The following SYT2 variants were observed in gnomAD, a reference collection of about 807,000 sequenced individuals.
The protein encoded by SYT2 is synaptotagmin 2.
Under a neutral mutation model 39.9 loss-of-function variants are expected in SYT2, and 15 were observed. The ratio of observed to expected loss-of-function variants is 0.38; its 90% confidence interval spans 0.25 to 0.58. The LOEUF (loss-of-function observed/expected upper bound fraction) is 0.58. Among genes scored for constraint, SYT2 ranks in the 20% least tolerant of loss-of-function variants. The pLI, the probability that SYT2 is intolerant of heterozygous loss-of-function variation, is 0.70. For missense variants in SYT2, 389 were observed against 530.3 expected, an observed-to-expected ratio of 0.73 and a Z score of 2.62; for synonymous variants, 181 against 204.5, an observed-to-expected ratio of 0.89 and a Z score of 0.98.
rs60259163 is a variant in SYT2, at chr1:202,596,308, TAC to T, written c.*447_*448del. ...ACACACACACACACACACACACACATACACACACACACACACACACACACACA... is the reference window on the plus strand; with the variant it reads ...ACACACACACACACACACACACACATACACACACACACACACACACACACA... On this transcript the variant is annotated 3_prime_UTR_variant, in exon 9 of 9. Coordinates refer to ENST00000367268, the MANE Select transcript of SYT2 (RefSeq NM_177402.5). 1,588 of 88,040 alleles carry T rather than the reference TAC, an allele frequency of 0.018. 39 individuals are homozygous for T. Among genetic ancestry groups the T allele is most frequent in the African/African-American group, 0.036 (1,075 of 29,702 alleles). The allele number at this position is 88,040 out of a possible 1,614,324, so 5.5% of individuals were successfully genotyped here. A position where few individuals can be genotyped will look rare whatever the true frequency, so the allele number is the denominator to read the frequency against.
At chr1:202,642,605 G>C (rs1691947387) in intron 1 of SYT2, among the ~76,000 whole-genome samples, 1 of 152,308 alleles carries the variant, frequency 6.6e-6, no homozygotes, top group South Asian at 2.1e-4. Context: ...AAGTTCCCGG[G>C]AGAGGAAGGG....
intron 1 of SYT2, among the ~76,000 whole-genome samples, chr1:202,665,581 C>T (rs1356600041): frequency 2.0e-5 from 3 of 152,140 alleles, no homozygotes; most frequent in African/African-American, 7.2e-5. Context: ...TCTCCAGCTG[C>T]GACATCCTAC....
At chr1:202,602,246 G>A in intron 5 of SYT2, 132 bp downstream of exon 5, 3 of 1,233,094 alleles carry the variant, frequency 2.4e-6, no homozygotes, top group Non-Finnish European at 3.5e-6. Flanking sequence ...ATAGAGGCCG[G>A]GGTAGCCCTG....
chr1:202,661,488 C>A (rs966603273), intron 1 of SYT2, among the ~76,000 whole-genome samples: 16 of 152,228 alleles, frequency 1.1e-4, no homozygotes, highest in Non-Finnish European at 2.1e-4. Flanking sequence ...CTCATAATTA[C>A]ATGTGAGGAC....
chr1:202,608,274 A>G (rs1572619439), intron 1 of SYT2, among the ~76,000 whole-genome samples: 1 of 138,922 alleles, frequency 7.2e-6, no homozygotes, highest in East Asian at 2.2e-4. Flanking sequence ...CATTGTGTAG[A>G]TAGAAAACAT....
At position 202,632,502 on chromosome 1, in the gene SYT2, C is replaced by T. The variant is rs147385765; in HGVS notation, c.-17-26713G>A. The T allele has an allele frequency of 6.9e-4, 668 of 967,166 alleles. 6 individuals are homozygous for T. The African/African-American group carries it at 0.011, about 16-fold the overall frequency. The allele number at this position is 967,166 out of a possible 1,614,324, so 59.9% of individuals were successfully genotyped here. On this transcript the variant is annotated intron_variant, in intron 1 of 8. Coordinates refer to ENST00000367268, the MANE Select transcript of SYT2 (RefSeq NM_177402.5). ...TGGAAGAAAGGCTGCGTAGCCATCG[C>T]CGGATCTCTAGGTAAGCTTGGCGCA...
At chr1:202,637,829 T>C (rs1255773267) in intron 1 of SYT2, among the ~76,000 whole-genome samples, 1 of 152,218 alleles carries the variant, frequency 6.6e-6, no homozygotes, top group Non-Finnish European at 1.5e-5. Flanking sequence ...CTGCCGGCCC[T>C]GATGATCAAT....
chr1:202,673,187 G>A (rs990366821), intron 1 of SYT2, among the ~76,000 whole-genome samples: 4 of 150,208 alleles, frequency 2.7e-5, no homozygotes, highest in African/African-American at 4.9e-5. Context: ...GTGGGCTTGG[G>A]TTTACTGAAC....
chr1:202,668,011 C>T (rs935451854), intron 1 of SYT2, among the ~76,000 whole-genome samples: 11 of 151,988 alleles, frequency 7.2e-5, no homozygotes, highest in Admixed American at 1.3e-4. Flanking sequence ...GCGCCCGGCC[C>T]AGATATTTTC....
At chr1:202,646,813 C>T (rs1015051693) in intron 1 of SYT2, among the ~76,000 whole-genome samples, 1 of 152,120 alleles carries the variant, frequency 6.6e-6, no homozygotes, top group African/African-American at 2.4e-5. Flanking sequence ...CCCCAGGGTT[C>T]TAACTATCCC....
intron 1 of SYT2, among the ~76,000 whole-genome samples, chr1:202,645,241 C>G (rs537914910): frequency 6.6e-6 from 1 of 152,302 alleles, no homozygotes; most frequent in South Asian, 2.1e-4. Flanking sequence ...CGTAACCTAC[C>G]CCCACCTCGT....
intron 1 of SYT2, among the ~76,000 whole-genome samples, chr1:202,608,283 A>T (rs7415468): frequency 0.25 from 35,594 of 141,304 alleles, 4,662 homozygotes; most frequent in East Asian, 0.48. Flanking sequence ...GATAGAAAAC[A>T]TTTTTTTTTT....
intron 1 of SYT2, among the ~76,000 whole-genome samples, chr1:202,679,297 C>T (rs1558459179): frequency 6.6e-6 from 1 of 152,114 alleles, no homozygotes; most frequent in African/African-American, 2.4e-5. Context: ...TTGGGCCTCC[C>T]CTGAACACCA....
intron 1 of SYT2, among the ~76,000 whole-genome samples, chr1:202,631,595 G>C (rs778903019): frequency 4.6e-5 from 7 of 152,156 alleles, no homozygotes; most frequent in Admixed American, 6.5e-5. Context: ...TCCTCATGAA[G>C]AGTGACTTGC....
intron 2 of SYT2, among the ~76,000 whole-genome samples, 166 bp from the exon 3 acceptor site, chr1:202,604,787 A>G (rs1321020334): frequency 1.4e-5 from 2 of 139,386 alleles, no homozygotes; most frequent in Non-Finnish European, 3.1e-5. Context: ...TAAGGTGCAT[A>G]TACTTTGCAT....
intron 1 of SYT2, among the ~76,000 whole-genome samples, chr1:202,699,970 C>A (rs564890960): frequency 6.6e-6 from 1 of 152,122 alleles, no homozygotes; most frequent in Non-Finnish European, 1.5e-5. Context: ...CTTTGGGAAG[C>A]CTCAAACCCC....
intron 1 of SYT2, among the ~76,000 whole-genome samples, chr1:202,607,498 C>T (rs1690746691): frequency 6.6e-6 from 1 of 152,216 alleles, no homozygotes; most frequent in African/African-American, 2.4e-5. Flanking sequence ...CTCCTCTAGA[C>T]TCAGGGTTCT....
At chr1:202,683,678 A>C (rs1224218538) in intron 1 of SYT2, among the ~76,000 whole-genome samples, 1 of 150,942 alleles carries the variant, frequency 6.6e-6, no homozygotes, top group Non-Finnish European at 1.5e-5. Flanking sequence ...GGAGGTCAAG[A>C]CTTCAGTGAG....
intron 1 of SYT2, among the ~76,000 whole-genome samples, chr1:202,684,385 A>G (rs1451099387): frequency 2.0e-5 from 3 of 151,716 alleles, no homozygotes; most frequent in African/African-American, 7.3e-5. Context: ...GAGATTATAC[A>G]GTATTTGTTA....
Sources: allele counts gnomAD v4.1 joint callset (sites outside exome capture counted in the v4.1 genomes callset), GRCh38; gene constraint gnomAD v4.1.1; transcripts MANE v1.5; gene names NCBI Gene and HGNC (gene_info 2026-07-23, HGNC 2026-07-21).